The following CYP4F2 variants were observed in gnomAD, a reference collection of about 807,000 sequenced individuals.
CYP4F2 encodes the protein cytochrome P450 4F2.
In CYP4F2, 58 loss-of-function variants were observed where a neutral mutation model predicts 58.9. The observed-to-expected ratio is 0.98, with a 90% confidence interval of 0.80 to 1.23. The LOEUF (loss-of-function observed/expected upper bound fraction) is 1.23, where lower values mean the gene tolerates loss of function less well. Among genes scored for constraint, CYP4F2 ranks in the 50% most tolerant of loss-of-function variants. The probability of loss-of-function intolerance (pLI) is 0.00; values close to 1 mark genes in which losing one functional copy is unlikely to be tolerated. For missense variants in CYP4F2, 616 were observed against 685.6 expected (o/e 0.90, Z 1.13); for synonymous variants, 287 against 261.1 (o/e 1.10, Z -0.95).
chr19:15,885,550 G>T (rs367792031), intron 9 of CYP4F2, among the ~76,000 whole-genome samples: 1 of 152,272 alleles, frequency 6.6e-6, no homozygotes, highest in South Asian at 2.1e-4. Flanking sequence ...CCCTGGACTC[G>T]ACTGGAGAGT....
rs2089456954 is a variant in CYP4F2, at chr19:15,897,698, G to C, written c.-1-86C>G. ...CCAGGGACAGTGGAGAGGCAGGGAC[G>C]GGCAGTGCCGGAGGTAGAGCAGGGA... is the stretch of plus-strand genomic sequence containing the variant. On this transcript the variant is annotated intron_variant, in intron 1 of 12. Coordinates refer to ENST00000221700, the MANE Select transcript of CYP4F2 (RefSeq NM_001082.5). 12 of 1,509,970 alleles carry C rather than the reference G, an allele frequency of 7.9e-6. No individual in the cohort carries two copies. In the South Asian group the frequency reaches 1.1e-4, roughly 13 times the overall value. 93.5% of individuals were successfully genotyped at this position (1,509,970 alleles called of 1,614,324 possible).
At chr19:15,888,359 C>T (rs2089395328) in intron 7 of CYP4F2, among the ~76,000 whole-genome samples, 1 of 151,730 alleles carries the variant, frequency 6.6e-6, no homozygotes, top group South Asian at 2.1e-4. Flanking sequence ...GACACAGACA[C>T]ACACGCACAT....
chr19:15,890,025 A>G (rs949286907), intron 6 of CYP4F2, among the ~76,000 whole-genome samples: 1 of 152,110 alleles, frequency 6.6e-6, no homozygotes, highest in Non-Finnish European at 1.5e-5. Context: ...TCCTCCTGCA[A>G]CTGGTCCATG....
In CYP4F2 at chr19:15,878,930, G is replaced by A. The variant is rs2089324311; in HGVS notation, c.1404C>T (p.Cys468=). The A allele has an allele frequency of 1.9e-6, 3 of 1,613,202 alleles. No individual in the cohort carries two copies. The highest frequency in any genetic ancestry group is 2.5e-6 in the Non-Finnish European group (3 of 1,179,714). The change falls in exon 13 of 13, where the codon TGC becomes TGT. Residue 468 remains cysteine, a synonymous_variant. Transcript: ENST00000221700. ...FIPFSAGPRN[C]IGQTFAMAEM... is the part of the protein sequence containing the mutation. ...CCGCCATCGCGAACGTCTGCCCGAT[G>A]CAGTTCCTAGGGGAGGGAGGTGGGA...
At chr19:15,897,115 G>T (rs562160413) in intron 2 of CYP4F2, among the ~76,000 whole-genome samples, 2 of 152,256 alleles carry the variant, frequency 1.3e-5, no homozygotes, top group South Asian at 4.1e-4. Flanking sequence ...GGAATGCCAG[G>T]GACTCGCCTC....
intron 3 of CYP4F2, chr19:15,893,876 G>A (rs2089432087): frequency 3.8e-6 from 1 of 265,996 alleles, no homozygotes; most frequent in Admixed American, 4.0e-5. Context: ...CTTCTGAGCT[G>A]TGAATCTGGA....
chr19:15,882,358 T>C (rs1271924308), intron 9 of CYP4F2, among the ~76,000 whole-genome samples: 3 of 152,084 alleles, frequency 2.0e-5, no homozygotes, highest in Non-Finnish European at 2.9e-5. Flanking sequence ...GGTCAAAGGA[T>C]AGAAGCTTCA....
Position 15,882,881 on chromosome 19 carries a change from A to C in CYP4F2, c.1116-2984T>G, listed in dbSNP as rs896288958. Among the ~76,000 whole-genome samples the C allele has an allele frequency of 1.1e-4, 17 of 152,244 alleles. 1 individual carries two copies. Among genetic ancestry groups the C allele is most frequent in the Non-Finnish European group, 4.4e-5 (3 of 68,046 alleles). On this transcript the variant is annotated intron_variant, in intron 9 of 12. Transcript: ENST00000221700. Reference sequence around the variant, plus strand: ...AAAAATCACAGTGTGAATTCATATAAATGTGGGCATTGGGATAGCCATTTT... The same window carrying C: ...AAAAATCACAGTGTGAATTCATATACATGTGGGCATTGGGATAGCCATTTT...
rs978900953 is a variant in CYP4F2 at position 15,893,924 on chromosome 19, T to A, written c.344-1342A>T. On this transcript the variant is annotated intron_variant, in intron 3 of 12. Transcript: ENST00000221700. Reference sequence around the variant, plus strand: ...GGACCCAATTCATGCTCTCCTAGGCTGTGAGAGAGAAGGATCTGCAGGGAA... The same window carrying A: ...GGACCCAATTCATGCTCTCCTAGGCAGTGAGAGAGAAGGATCTGCAGGGAA... 4 of 251,768 alleles carry A rather than the reference T, an allele frequency of 1.6e-5. No homozygotes were observed. In the Admixed American group the frequency reaches 1.6e-4, roughly 10 times the overall value. The allele number at this position is 251,768 out of a possible 1,614,324, so 15.6% of individuals were successfully genotyped here. A position where few individuals can be genotyped will look rare whatever the true frequency, so the allele number is the denominator to read the frequency against.
chr19:15,897,509 G>C lies in CYP4F2; in HGVS notation c.103C>G (p.Leu35Val), dbSNP rs753492444. 3.7e-6 allele frequency: 6 copies of C among 1,614,108 alleles called. No individual in the cohort carries two copies. Among genetic ancestry groups the C allele is most frequent in the Non-Finnish European group, 3.4e-6 (4 of 1,180,000 alleles). ...VGASWLLAHV[L>V]AWTYAFYDNC... ...TCATAGAAGGCGTAGGTCCAGGCCA[G>C]GACATGGGCCAGGAGCCAGGAGGCC... The change falls in exon 2 of 13, where the codon CTG becomes GTG. Residue 35 changes from leucine (L) to valine (V), a missense_variant. Transcript: ENST00000221700.
At chr19:15,880,954 A>T (rs1349431538) in intron 9 of CYP4F2, among the ~76,000 whole-genome samples, 3 of 152,242 alleles carry the variant, frequency 2.0e-5, no homozygotes, top group African/African-American at 7.2e-5. Flanking sequence ...CAGCAATTGC[A>T]CTTCAGGGAA....
At position 15,889,548 on chromosome 19, in the gene CYP4F2, C is replaced by A. The variant is rs750598459; in HGVS notation, c.793G>T (p.Asp265Tyr). The A allele has an allele frequency of 6.2e-7, 1 of 1,614,062 alleles. No individual in the cohort carries two copies. The highest frequency in any genetic ancestry group is 8.5e-7 in the Non-Finnish European group (1 of 1,180,038). ...RFRRACRLVH[D>Y]FTDAVIQERR... is the part of the protein sequence containing the mutation. ...TCCTGGATGACGGCATCTGTGAAGT[C>A]GTGCACCAGGCGGCAGGCCCTGCGG... The change falls in exon 7 of 13, where the codon GAC (aspartate) becomes TAC (tyrosine). Residue 265 changes from aspartate to tyrosine, a missense_variant. Physicochemically the swap from Asp to Tyr is radical, Grantham distance 160. Coordinates refer to ENST00000221700, the MANE Select transcript of CYP4F2 (RefSeq NM_001082.5).
At chr19:15,884,078 A>G (rs956891707) in intron 9 of CYP4F2, among the ~76,000 whole-genome samples, 2 of 152,080 alleles carry the variant, frequency 1.3e-5, no homozygotes, top group African/African-American at 4.8e-5. Context: ...AAGAAAGGAA[A>G]GAAGAAAGAG....
chr19:15,881,836 G>T (rs1347548780), intron 9 of CYP4F2, among the ~76,000 whole-genome samples: 1 of 151,690 alleles, frequency 6.6e-6, no homozygotes, highest in East Asian at 1.9e-4. Context: ...TATTTTGTTT[G>T]CCACAACATG....
intron 9 of CYP4F2, among the ~76,000 whole-genome samples, chr19:15,883,778 C>T (rs369018602): frequency 2.9e-4 from 44 of 152,220 alleles, no homozygotes; most frequent in East Asian, 2.3e-3. Flanking sequence ...GAAAATGTGG[C>T]GGCCGGGTGC....
intron 3 of CYP4F2, among the ~76,000 whole-genome samples, chr19:15,895,141 C>T (rs1400248559): frequency 6.6e-6 from 1 of 152,220 alleles, no homozygotes; most frequent in Non-Finnish European, 1.5e-5. Flanking sequence ...CAGCCTGCCC[C>T]AGCAGAGACC....
chr19:15,880,815 G>T (rs997662691), intron 9 of CYP4F2, among the ~76,000 whole-genome samples: 2 of 152,198 alleles, frequency 1.3e-5, no homozygotes. Context: ...GATTGGCATA[G>T]ATTTTAAAAT....
At chr19:15,885,873 G>T in intron 9 of CYP4F2, 51 bp downstream of exon 9, 1 of 1,586,974 alleles carries the variant, frequency 6.3e-7, no homozygotes, top group Non-Finnish European at 8.6e-7. Flanking sequence ...CACCTGGGGA[G>T]CAGAGCCAAT....
chr19:15,880,383 C>T (rs944430634), intron 9 of CYP4F2, among the ~76,000 whole-genome samples: 1 of 151,980 alleles, frequency 6.6e-6, no homozygotes, highest in African/African-American at 2.4e-5. Context: ...AATCCCAGCA[C>T]TTTGGGAGGC....
Sources: allele counts gnomAD v4.1 joint callset (sites outside exome capture counted in the v4.1 genomes callset), GRCh38; gene constraint gnomAD v4.1.1; transcripts MANE v1.5; gene names NCBI Gene and HGNC (gene_info 2026-07-23, HGNC 2026-07-21).